Variants in SOX5 observed in about 807,000 individuals in gnomAD.
SOX5 encodes the protein transcription factor SOX-5.
A neutral mutation model predicts 92.0 loss-of-function variants in SOX5; 9 were observed. That is an observed-to-expected ratio of 0.10 (90% confidence interval 0.06 to 0.17). The LOEUF is 0.17. SOX5 is among the 10% of genes least tolerant of loss of function. The probability of loss-of-function intolerance (pLI) is 1.00; values close to 1 mark genes in which losing one functional copy is unlikely to be tolerated. For missense variants in SOX5, 642 were observed against 944.5 expected (o/e 0.68, Z 4.20); for synonymous variants, 344 against 336.3 (o/e 1.02, Z -0.25).
intron 1 of SOX5, among the ~76,000 whole-genome samples, chr12:24,483,673 A>G (rs1242804018): frequency 2.6e-5 from 4 of 152,192 alleles, no homozygotes; most frequent in Admixed American, 2.0e-4. Context: ...ATCAATACCC[A>G]CCTTACCTAA....
chr12:23,642,894 C>T (rs1175814855), intron 7 of SOX5, among the ~76,000 whole-genome samples: 5 of 113,152 alleles, frequency 4.4e-5, no homozygotes, highest in Non-Finnish European at 8.8e-5. Flanking sequence ...GAGACCATCC[C>T]GGCTAAAACG....
intron 4 of SOX5, among the ~76,000 whole-genome samples, chr12:24,076,699 C>CTTTTTTTTTTT (rs11302877): frequency 4.9e-5 from 5 of 102,882 alleles, no homozygotes; most frequent in Non-Finnish European, 7.6e-5. Flanking sequence ...CCAAAGCTGC[C>CTTTTTTTTTTT]TTTTTTTTTT....
intron 4 of SOX5, among the ~76,000 whole-genome samples, chr12:24,143,594 G>A (rs906079828): frequency 4.6e-5 from 7 of 152,028 alleles, no homozygotes; most frequent in Non-Finnish European, 7.4e-5. Context: ...CACTGGATGG[G>A]ATTTATAACA....
At chr12:24,224,217 G>A (rs533628243) in intron 3 of SOX5, among the ~76,000 whole-genome samples, 6 of 152,276 alleles carry the variant, frequency 3.9e-5, no homozygotes, top group Admixed American at 6.5e-5. Flanking sequence ...CAGTTGTGCC[G>A]CTTCACTCAA....
At chr12:23,635,012 T>C (rs1551981) in intron 8 of SOX5, among the ~76,000 whole-genome samples, 128,551 of 152,158 alleles carry the variant, frequency 0.84, 54,626 homozygotes, top group African/African-American at 0.92. Context: ...AAACCATTGA[T>C]GCTACAGACT....
At chr12:24,390,402 G>C (rs1017668985) in intron 1 of SOX5, among the ~76,000 whole-genome samples, 2 of 152,090 alleles carry the variant, frequency 1.3e-5, no homozygotes, top group Non-Finnish European at 2.9e-5. Context: ...AATTAAACCT[G>C]TAATTGACCA....
intron 4 of SOX5, 113 bp from the exon 5 acceptor site, chr12:23,741,152 C>T: frequency 1.5e-6 from 1 of 669,690 alleles, no homozygotes; most frequent in Non-Finnish European, 2.2e-6. Flanking sequence ...TCAATAAACA[C>T]AAAAGCATTA....
chr12:24,307,026 A>G (rs563414103), intron 2 of SOX5, among the ~76,000 whole-genome samples: 2 of 152,244 alleles, frequency 1.3e-5, no homozygotes, highest in Non-Finnish European at 2.9e-5. Context: ...TGAGCTCAGG[A>G]GCTCAAGACC....
intron 11 of SOX5, among the ~76,000 whole-genome samples, chr12:23,554,353 T>C (rs1407616868): frequency 1.3e-5 from 2 of 152,062 alleles, no homozygotes. Context: ...ACAAAATTTT[T>C]TTGATCAAGT....
At chr12:23,971,899 T>C (rs1228181492) in intron 4 of SOX5, among the ~76,000 whole-genome samples, 3 of 152,186 alleles carry the variant, frequency 2.0e-5, no homozygotes, top group African/African-American at 7.2e-5. Context: ...TAATAGGTAC[T>C]TATTTTTTTC....
intron 1 of SOX5, among the ~76,000 whole-genome samples, chr12:24,378,872 T>C (rs1957545640): frequency 6.6e-6 from 1 of 152,324 alleles, no homozygotes; most frequent in South Asian, 2.1e-4. Context: ...GCTTTGGCTG[T>C]GGGTAACATG....
chr12:23,639,561 C>G (rs73091366), intron 8 of SOX5, among the ~76,000 whole-genome samples: 11,862 of 152,224 alleles, frequency 0.078, 593 homozygotes, highest in Non-Finnish European at 0.11. Flanking sequence ...TTCCCCAGAT[C>G]TCATTTCAAA....
At chr12:24,193,981 CCCTCATCCCTCTACTGATTGATGG>C (rs1238495348) in intron 4 of SOX5, among the ~76,000 whole-genome samples, 1 of 152,086 alleles carries the variant, frequency 6.6e-6, no homozygotes, top group East Asian at 1.9e-4. Context: ...TTCTGTTGGG[CCCTCATCCCTCTACTGATTGATGG>C]CCTCATGTGG....
intron 4 of SOX5, among the ~76,000 whole-genome samples, chr12:24,125,358 TC>T: frequency 6.6e-6 from 1 of 152,188 alleles, no homozygotes; most frequent in Non-Finnish European, 1.5e-5. Context: ...CCCTTTCTTC[TC>T]CTTTTCTATT....
chr12:24,432,869 A>G (rs1324096962), intron 1 of SOX5, among the ~76,000 whole-genome samples: 3 of 152,214 alleles, frequency 2.0e-5, no homozygotes, highest in Non-Finnish European at 2.9e-5. Flanking sequence ...ACACACACAC[A>G]GAGTATGATC....
At chr12:24,347,051 C>T (rs918326240) in intron 2 of SOX5, among the ~76,000 whole-genome samples, 1 of 152,134 alleles carries the variant, frequency 6.6e-6, no homozygotes, top group Admixed American at 6.5e-5. Context: ...GGTATACAAC[C>T]TGATGTTTGA....
At chr12:23,989,758 C>A (rs11047190) in intron 4 of SOX5, among the ~76,000 whole-genome samples, 60,222 of 151,924 alleles carry the variant, frequency 0.4, 12,119 homozygotes, top group East Asian at 0.56. Flanking sequence ...CTTAAGAGGA[C>A]CCTCACCAGA....
chr12:23,999,178 AC>A (rs1951355456), intron 4 of SOX5, among the ~76,000 whole-genome samples: 3 of 148,916 alleles, frequency 2.0e-5, no homozygotes, highest in African/African-American at 2.5e-5. Flanking sequence ...GTGTGTGTGT[AC>A]CATTGCTTCT....
At chr12:24,399,637 A>ACT (rs1434217802) in intron 1 of SOX5, among the ~76,000 whole-genome samples, 1 of 152,214 alleles carries the variant, frequency 6.6e-6, no homozygotes, top group Non-Finnish European at 1.5e-5. Flanking sequence ...ACAATTGTTG[A>ACT]GAAGAACGCA....
Sources: allele counts gnomAD v4.1 joint callset (sites outside exome capture counted in the v4.1 genomes callset), GRCh38; gene constraint gnomAD v4.1.1; transcripts MANE v1.5; gene names NCBI Gene and HGNC (gene_info 2026-07-23, HGNC 2026-07-21).